HS3ST4: variants seen among roughly 807,000 people sequenced by gnomAD.
HS3ST4 encodes heparan sulfate glucosamine 3-O-sulfotransferase 4.
HS3ST4 carries 17 observed loss-of-function variants against 29.2 expected under a neutral mutation model. The observed-to-expected ratio is 0.58, with a 90% CI of 0.40 to 0.87. HS3ST4 has a LOEUF of 0.87. HS3ST4 is among the 40% of genes least tolerant of loss of function. The pLI is 0.00. For missense variants in HS3ST4, 627 were observed against 634.5 expected, an observed-to-expected ratio of 0.99 and a Z score of 0.13; for synonymous variants, 314 against 285.7, an observed-to-expected ratio of 1.10 and a Z score of -1.00.
intron 1 of HS3ST4, among the ~76,000 whole-genome samples, chr16:25,737,697 T>A (rs146501138): frequency 7.9e-4 from 121 of 152,270 alleles, no homozygotes; most frequent in African/African-American, 2.9e-3. Flanking sequence ...TGCAATATAT[T>A]CATGTAACAC....
At chr16:25,953,969 G>A (rs1026838976) in intron 1 of HS3ST4, among the ~76,000 whole-genome samples, 1 of 152,104 alleles carries the variant, frequency 6.6e-6, no homozygotes, top group Non-Finnish European at 1.5e-5. Context: ...TTTCCTTTTC[G>A]TGGACTGAAC....
At position 25,877,907 on chromosome 16, in the gene HS3ST4, C is replaced by A. The variant is rs1256837462; in HGVS notation, c.734+184756C>A. Among the ~76,000 whole-genome samples, 3 of 152,182 alleles carry A rather than the reference C, an allele frequency of 2.0e-5. No individual in the cohort carries two copies. The East Asian group carries it at 5.8e-4, about 29-fold the overall frequency. ...TAAGCACTGGAGATGTGGTAATGAT[C>A]AAAACAGTGTCCTATTATCTCAGGA... On this transcript the variant is annotated intron_variant, in intron 1 of 1. Transcript: ENST00000331351.
chr16:26,124,894 A>C (rs1382744334), intron 1 of HS3ST4, among the ~76,000 whole-genome samples: 2 of 152,208 alleles, frequency 1.3e-5, no homozygotes, highest in African/African-American at 4.8e-5. Flanking sequence ...AATGAACTGA[A>C]AAGGGCTTTT....
At chr16:25,819,739 G>C (rs971508454) in intron 1 of HS3ST4, among the ~76,000 whole-genome samples, 1 of 152,040 alleles carries the variant, frequency 6.6e-6, no homozygotes, top group South Asian at 2.1e-4. Flanking sequence ...GACAGGCTGA[G>C]GGATTTGACA....
At chr16:25,955,883 C>T (rs1015880523) in intron 1 of HS3ST4, among the ~76,000 whole-genome samples, 11 of 149,312 alleles carry the variant, frequency 7.4e-5, no homozygotes, top group Non-Finnish European at 1.5e-5. Context: ...GGTGCGATCT[C>T]GGCTCACTGC....
chr16:26,087,873 C>G (rs960493921), intron 1 of HS3ST4, among the ~76,000 whole-genome samples: 16 of 151,980 alleles, frequency 1.1e-4, no homozygotes, highest in African/African-American at 3.9e-4. Flanking sequence ...GCTTTGTTTC[C>G]TGACATTTCC....
chr16:25,868,653 A>G (rs1967719706), intron 1 of HS3ST4, among the ~76,000 whole-genome samples: 2 of 152,240 alleles, frequency 1.3e-5, no homozygotes, highest in Admixed American at 1.3e-4. Flanking sequence ...TCCAGCAGCT[A>G]AACTCCTTGT....
In HS3ST4 at chr16:25,996,444, C is replaced by CTGAAATTTAATAT. The variant is rs1969159850; in HGVS notation, c.735-139167_735-139155dup. 2.0e-5 allele frequency among the ~76,000 whole-genome samples: 3 copies of CTGAAATTTAATAT among 152,016 alleles called. No individual in the cohort carries two copies. The East Asian group carries it at 5.8e-4, about 29-fold the overall frequency. On this transcript the variant is annotated intron_variant, in intron 1 of 1. Coordinates refer to ENST00000331351, the MANE Select transcript of HS3ST4 (RefSeq NM_006040.3). ...CCTTTACATTTAGATTTTAATCTGCCTGAAATTTAATATATAGTATAAGTT... is the reference window on the plus strand; with the variant it reads ...CCTTTACATTTAGATTTTAATCTGCCTGAAATTTAATATTGAAATTTAATATATAGTATAAGTT...
At chr16:26,009,247 T>A (rs995516185) in intron 1 of HS3ST4, among the ~76,000 whole-genome samples, 5 of 152,246 alleles carry the variant, frequency 3.3e-5, no homozygotes, top group Admixed American at 2.6e-4. Context: ...AGATTCCTCA[T>A]CTCAAAGCAT....
intron 1 of HS3ST4, among the ~76,000 whole-genome samples, chr16:25,980,898 A>T (rs8053304): frequency 2.3e-3 from 348 of 152,190 alleles, no homozygotes; most frequent in African/African-American, 8.1e-3. Flanking sequence ...TTCATGGGAA[A>T]GAATGGGCGA....
intron 1 of HS3ST4, among the ~76,000 whole-genome samples, chr16:25,744,456 A>G (rs1966673202): frequency 6.6e-6 from 1 of 152,212 alleles, no homozygotes; most frequent in Non-Finnish European, 1.5e-5. Context: ...AACATCCTAA[A>G]TAGCAGTGCC....
intron 1 of HS3ST4, among the ~76,000 whole-genome samples, chr16:25,818,108 T>C (rs1967113455): frequency 6.6e-6 from 1 of 152,202 alleles, no homozygotes; most frequent in African/African-American, 2.4e-5. Context: ...CGTGACCTAA[T>C]GTTTGTAGAA....
chr16:25,873,460 A>G (rs961406594), intron 1 of HS3ST4, among the ~76,000 whole-genome samples: 3 of 144,418 alleles, frequency 2.1e-5, no homozygotes, highest in Admixed American at 6.9e-5. Context: ...CCATCCATTT[A>G]CCCACCCATC....
intron 1 of HS3ST4, among the ~76,000 whole-genome samples, chr16:26,033,961 A>G (rs1002696805): frequency 3.3e-5 from 5 of 152,236 alleles, no homozygotes; most frequent in African/African-American, 9.6e-5. Flanking sequence ...AACACTTTGC[A>G]TATAGTATTG....
intron 1 of HS3ST4, among the ~76,000 whole-genome samples, chr16:25,948,505 C>G (rs1484210053): frequency 6.6e-6 from 1 of 152,034 alleles, no homozygotes; most frequent in Non-Finnish European, 1.5e-5. Context: ...CATACATGGT[C>G]CCAGCATCAC....
At chr16:25,726,632 C>G (rs1966536639) in intron 1 of HS3ST4, among the ~76,000 whole-genome samples, 1 of 67,320 alleles carries the variant, frequency 1.5e-5, no homozygotes, top group Non-Finnish European at 3.9e-5. Context: ...TCTGGATATG[C>G]CCTTGTTCTC....
At chr16:25,939,812 T>C (rs1333892974) in intron 1 of HS3ST4, among the ~76,000 whole-genome samples, 4 of 152,076 alleles carry the variant, frequency 2.6e-5, no homozygotes, top group Admixed American at 2.6e-4. Context: ...GCAGCCAGAA[T>C]GAGGAAGGTT....
At chr16:25,747,922 G>A (rs1051113283) in intron 1 of HS3ST4, among the ~76,000 whole-genome samples, 6 of 152,180 alleles carry the variant, frequency 3.9e-5, no homozygotes, top group Non-Finnish European at 5.9e-5. Flanking sequence ...AAGCAGGTGT[G>A]TGCTCCTGAA....
chr16:25,901,965 A>G (rs542364673), intron 1 of HS3ST4, among the ~76,000 whole-genome samples: 1 of 152,328 alleles, frequency 6.6e-6, no homozygotes, highest in South Asian at 2.1e-4. Context: ...GTATCTTATC[A>G]TATGTCTGTG....
Sources: gnomAD v4.1 joint callset for allele counts (sites outside exome capture counted in the v4.1 genomes callset) on GRCh38, gnomAD v4.1.1 for gene constraint, MANE v1.5 for transcripts, NCBI Gene and HGNC (gene_info 2026-07-23, HGNC 2026-07-21) for gene names.